The following IL17RC variants were observed in gnomAD, a reference collection of about 807,000 sequenced individuals.
IL17RC encodes the protein interleukin 17 receptor C.
In IL17RC, 53 loss-of-function variants were observed where a neutral mutation model predicts 86.7. That is an observed-to-expected ratio of 0.61 (90% CI 0.49 to 0.77). IL17RC has a LOEUF of 0.77. Among genes scored for constraint, IL17RC ranks in the 30% least tolerant of loss-of-function variants. The pLI, the probability that IL17RC is intolerant of heterozygous loss-of-function variation, is 0.00. For missense variants in IL17RC, 957 were observed against 940.0 expected, an observed-to-expected ratio of 1.02 and a Z score of -0.24; for synonymous variants, 439 against 413.1, an observed-to-expected ratio of 1.06 and a Z score of -0.76.
In IL17RC at chr3:9,925,001, G is replaced by A. The variant is rs73118346; in HGVS notation, c.822+710G>A. On this transcript the variant is annotated intron_variant, in intron 9 of 18. Coordinates refer to ENST00000403601, the MANE Select transcript of IL17RC (RefSeq NM_153460.4). ...TTGTTTTGTGTAGAGACGGGGTCTTGCTATGTTACCCAGGCTGTTCTGAAT... is the reference window on the plus strand; with the variant it reads ...TTGTTTTGTGTAGAGACGGGGTCTTACTATGTTACCCAGGCTGTTCTGAAT... 9.5e-3 allele frequency among the ~76,000 whole-genome samples: 1,442 copies of A among 151,702 alleles called. 25 individuals carry two copies. Among genetic ancestry groups the A allele is most frequent in the African/African-American group, 0.033 (1,352 of 41,344 alleles).
Position 9,923,881 on chromosome 3 carries a change from C to G in IL17RC, c.623C>G (p.Ala208Gly), listed in dbSNP as rs754129265. The change falls in exon 8 of 19, where the codon GCC becomes GGC. Residue 208 changes from alanine (A) to glycine (G), a missense_variant and splice_region_variant. Coordinates refer to ENST00000403601, the MANE Select transcript of IL17RC (RefSeq NM_153460.4). ...EVWNSIPSCWALPWLNVSADG... is the reference protein window; with the variant it reads ...EVWNSIPSCWGLPWLNVSADG... ...GCGCTCTCTTTGCCTCTCCCACCAG[C>G]CCTGCCCTGGCTCAACGTGTCAGCA... 7 of 1,613,922 alleles carry G rather than the reference C, an allele frequency of 4.3e-6. No homozygotes were observed. In the East Asian group the frequency reaches 1.1e-4, roughly 26 times the overall value.
chr3:9,933,462 CAA>C lies in IL17RC; in HGVS notation c.2033_2034del (p.Gln678ArgfsTer16), dbSNP rs2084996462. 6.2e-7 allele frequency: 1 copy of C among 1,612,908 alleles called. No homozygotes were observed. Among genetic ancestry groups the C allele is most frequent in the Non-Finnish European group, 8.5e-7 (1 of 1,179,774 alleles). On this transcript the variant is annotated frameshift_variant, in exon 19 of 19. Coordinates refer to ENST00000403601, the MANE Select transcript of IL17RC (RefSeq NM_153460.4). LOFTEE classifies it low-confidence loss of function (END_TRUNC). ...QPRAPRSGRL[Q>X]ERAEQVSRAL... The stretch of plus-strand genomic sequence containing the variant: ...TCGCGCCCCGCGTTCCGGGCGGCTC[CAA>C]GAGAGAGCGGAGCAAGTGTCCCGGG...
chr3:9,918,262 G>A, intron 3 of IL17RC, 73 bp from the exon 4 acceptor site: 1 of 1,434,768 alleles, frequency 7.0e-7, no homozygotes, highest in Non-Finnish European at 9.5e-7. Flanking sequence ...CTTTCCAGAA[G>A]GAAGCCAACG....
chr3:9,921,086 TC>T (rs1553580242), intron 7 of IL17RC, 117 bp downstream of exon 7: 4 of 140,154 alleles, frequency 2.9e-5, no homozygotes, highest in African/African-American at 9.2e-5. Context: ...CAGAACATAT[TC>T]ATTCATTCAT....
rs1245903852 is a variant in IL17RC at position 9,932,792 on chromosome 3, G to A, written c.1484-28G>A. On this transcript the variant is annotated intron_variant, in intron 17 of 18. Transcript: ENST00000403601. ...AGGGAAAGCGGCGGCCGAGCTCACT[G>A]GCTGCCTCCGCCCCTCTCCCCTAAC... 4 of 1,578,892 alleles carry A rather than the reference G, an allele frequency of 2.5e-6. No individual in the cohort carries two copies. In the African/African-American group the frequency reaches 4.1e-5, roughly 16 times the overall value.
chr3:9,924,026 G>T lies in IL17RC; in HGVS notation c.762+6G>T, dbSNP rs377173896. 1 of 1,613,304 alleles carries T rather than the reference G, an allele frequency of 6.2e-7. No individual in the cohort carries two copies. Among genetic ancestry groups the T allele is most frequent in the Non-Finnish European group, 8.5e-7 (1 of 1,180,026 alleles). Reference sequence around the variant, plus strand: ...CCCGGTGGCACAAAAACCTGGTGAGGCCTCCCCCTTCCCAAGTCCATTCCC... The same window carrying T: ...CCCGGTGGCACAAAAACCTGGTGAGTCCTCCCCCTTCCCAAGTCCATTCCC... On this transcript the variant is annotated splice_donor_region_variant and intron_variant, in intron 8 of 18. Coordinates refer to ENST00000403601, the MANE Select transcript of IL17RC (RefSeq NM_153460.4).
At chr3:9,931,470 C>CACACACACATAT (rs750351615) in intron 16 of IL17RC, among the ~76,000 whole-genome samples, 9 of 43,734 alleles carry the variant, frequency 2.1e-4, no homozygotes, top group Non-Finnish European at 5.7e-4. Flanking sequence ...CACACACACA[C>CACACACACATAT]ATATATATAT....
chr3:9,917,271 G>A lies in IL17RC; in HGVS notation c.-45G>A, dbSNP rs1559285750. 1 of 1,521,114 alleles carries A rather than the reference G, an allele frequency of 6.6e-7. No individual in the cohort carries two copies. Among genetic ancestry groups the A allele is most frequent in the East Asian group, 2.3e-5 (1 of 43,810 alleles). The allele number at this position is 1,521,114 out of a possible 1,614,324, so 94.2% of individuals were successfully genotyped here. A position where few individuals can be genotyped will look rare whatever the true frequency, so the allele number is the denominator to read the frequency against. On this transcript the variant is annotated 5_prime_UTR_variant, in exon 1 of 19. Coordinates refer to ENST00000403601, the MANE Select transcript of IL17RC (RefSeq NM_153460.4). ...GGGGTGTCTGCCCCCCTTGGGGGGG[G>A]GCAGCACAGGGCCTCAGGCCTGGGT...
At position 9,918,414 on chromosome 3, in the gene IL17RC, G is replaced by A. The variant is rs2125127033; in HGVS notation, c.355+5G>A. On this transcript the variant is annotated splice_donor_5th_base_variant and intron_variant, in intron 4 of 18. Transcript: ENST00000403601. ...GGGTGGAGGAGCCTAGGAATGGTGAGGAGAACCTGGCTGGCCCAACTGCCC... is the reference window on the plus strand; with the variant it reads ...GGGTGGAGGAGCCTAGGAATGGTGAAGAGAACCTGGCTGGCCCAACTGCCC... 1 of 1,612,816 alleles carries A rather than the reference G, an allele frequency of 6.2e-7. No individual in the cohort carries two copies. Among genetic ancestry groups the A allele is most frequent in the Non-Finnish European group, 8.5e-7 (1 of 1,179,264 alleles).
Position 9,928,486 on chromosome 3 carries a change from CG to C in IL17RC, c.1059+1del. On this transcript the variant is annotated splice_donor_variant, in intron 11 of 18. Coordinates refer to ENST00000403601, the MANE Select transcript of IL17RC (RefSeq NM_153460.4). LOFTEE classifies it high-confidence loss of function. ...TTTCCTGGGAGAACGTCACTGTGGA[CG>C]TAAGTGAAGCAGAGGGCACCTCCCG... The C allele has an allele frequency of 6.2e-7, 1 of 1,612,306 alleles. No homozygotes were observed. Among genetic ancestry groups the C allele is most frequent in the Non-Finnish European group, 8.5e-7 (1 of 1,179,826 alleles).
At chr3:9,918,243 A>G in intron 3 of IL17RC, 92 bp from the exon 4 acceptor site, 1 of 1,362,840 alleles carries the variant, frequency 7.3e-7, no homozygotes, top group Non-Finnish European at 1.0e-6. Context: ...CCTGCTTCCC[A>G]GCACTGGGCT....
intron 7 of IL17RC, among the ~76,000 whole-genome samples, chr3:9,923,502 A>G (rs763548937): frequency 1.9e-4 from 29 of 151,838 alleles, no homozygotes; most frequent in Non-Finnish European, 3.8e-4. Context: ...GCAGTGAGCT[A>G]TCGTGCCAAT....
At chr3:9,921,996 A>G (rs2083615891) in intron 7 of IL17RC, among the ~76,000 whole-genome samples, 2 of 124,132 alleles carry the variant, frequency 1.6e-5, no homozygotes, top group Admixed American at 2.1e-4. Flanking sequence ...TCTGTCGCCT[A>G]GGCTGGACTG....
Position 9,918,078 on chromosome 3 carries a change from G to A in IL17RC, c.280+3G>A. The A allele has an allele frequency of 6.4e-7, 1 of 1,570,170 alleles. No homozygotes were observed. Among genetic ancestry groups the A allele is most frequent in the Non-Finnish European group, 8.6e-7 (1 of 1,157,542 alleles). On this transcript the variant is annotated splice_donor_region_variant and intron_variant, in intron 3 of 18. Transcript: ENST00000403601. ...GGCTGTCCACTTGGCCGTGCATGGT[G>A]AGCAAGTCATCCTGTGACAGTGCAT... is the stretch of plus-strand genomic sequence containing the variant.
chr3:9,928,750 T>C (rs2084357527), intron 12 of IL17RC, 120 bp downstream of exon 12: 1 of 1,017,212 alleles, frequency 9.8e-7, no homozygotes, highest in Non-Finnish European at 1.5e-6. Flanking sequence ...CTATGGGAGT[T>C]CCACTGCCTA....
chr3:9,922,902 G>A (rs1173757478), intron 7 of IL17RC, among the ~76,000 whole-genome samples: 2 of 152,136 alleles, frequency 1.3e-5, no homozygotes, highest in Non-Finnish European at 2.9e-5. Context: ...GGGGCCGGGC[G>A]CGGTGGCTCA....
rs557849314 is a variant in IL17RC, at chr3:9,924,079, C to T, written c.762+59C>T. 96 of 1,611,044 alleles carry T rather than the reference C, an allele frequency of 6.0e-5. No homozygotes were observed. In the African/African-American group the frequency reaches 8.1e-4, roughly 14 times the overall value. On this transcript the variant is annotated intron_variant, in intron 8 of 18. Transcript: ENST00000403601. ...TGTAGGCCGATGCCTGTGCAAAGGA[C>T]GCAGTGCCATATCAGAGAGGATCCT...
At chr3:9,928,511 C>G in intron 11 of IL17RC, 25 bp downstream of exon 11, 6 of 1,613,534 alleles carry the variant, frequency 3.7e-6, no homozygotes, top group Non-Finnish European at 5.1e-6. Context: ...GGGCACCTCC[C>G]GTGGTGAGGG....
Position 9,918,094 on chromosome 3 carries a change from G to A in IL17RC, c.280+19G>A. 1 of 1,560,550 alleles carries A rather than the reference G, an allele frequency of 6.4e-7. No individual in the cohort carries two copies. Among genetic ancestry groups the A allele is most frequent in the South Asian group, 1.2e-5 (1 of 85,182 alleles). Reference sequence around the variant, plus strand: ...GTGCATGGTGAGCAAGTCATCCTGTGACAGTGCATGTGTACACGTGAGTGT... The same window carrying A: ...GTGCATGGTGAGCAAGTCATCCTGTAACAGTGCATGTGTACACGTGAGTGT... On this transcript the variant is annotated intron_variant, in intron 3 of 18. Coordinates refer to ENST00000403601, the MANE Select transcript of IL17RC (RefSeq NM_153460.4).
Sources: gnomAD v4.1 joint callset for allele counts (sites outside exome capture counted in the v4.1 genomes callset) on GRCh38, gnomAD v4.1.1 for gene constraint, MANE v1.5 for transcripts, NCBI Gene and HGNC (gene_info 2026-07-23, HGNC 2026-07-21) for gene names.